Variants in ACP1 observed in about 807,000 individuals in gnomAD.
ACP1 encodes the protein acid phosphatase 1.
Under a neutral mutation model 23.4 loss-of-function variants are expected in ACP1, and 23 were observed. The observed-to-expected ratio is 0.98, with a 90% CI of 0.71 to 1.39. The LOEUF (loss-of-function observed/expected upper bound fraction) is 1.39. Ranked by LOEUF, ACP1 falls within the 40% of genes most tolerant of loss-of-function variation. The pLI is 0.00. For synonymous variants in ACP1, 72 were observed against 67.2 expected (o/e 1.07, Z -0.35); for missense variants, 180 against 197.7 (o/e 0.91, Z 0.54).
intron 1 of ACP1, 129 bp from the exon 2 acceptor site, chr2:271,737 T>TA (rs1670037107): frequency 1.3e-6 from 1 of 752,416 alleles, no homozygotes; most frequent in African/African-American, 1.7e-5. Flanking sequence ...CGTCAAAGGA[T>TA]AGTGTTGGCC....
chr2:274,202 C>CA (rs1485959211), intron 3 of ACP1, among the ~76,000 whole-genome samples: 6 of 152,214 alleles, frequency 3.9e-5, no homozygotes, highest in African/African-American at 1.2e-4. Context: ...TACTTATTCT[C>CA]AATTTTGAAA....
chr2:265,215 C>T (rs572547568), intron 1 of ACP1: 30 of 517,400 alleles, frequency 5.8e-5, no homozygotes, highest in African/African-American at 5.5e-4. Flanking sequence ...AAACCTGGGT[C>T]CCCTCGCGCC....
chr2:264,991 GC>G lies in ACP1; in HGVS notation c.28del (p.Leu10CysfsTer22). 6.2e-7 allele frequency: 1 copy of G among 1,613,332 alleles called. No individual in the cohort carries two copies. On this transcript the variant is annotated frameshift_variant, in exon 1 of 6. Coordinates refer to ENST00000272065, the MANE Select transcript of ACP1 (RefSeq NM_004300.4). LOFTEE classifies it high-confidence loss of function. ...TGGCGGAACAGGCTACCAAGTCCGTGCTGTTTGTGTGTCTGGGTAAGAGGGC... is the reference window on the plus strand; with the variant it reads ...TGGCGGAACAGGCTACCAAGTCCGTGTGTTTGTGTGTCTGGGTAAGAGGGC... MAEQATKSV[L>X]FVCLGNICRS...
chr2:264,975 A>T lies in ACP1; in HGVS notation c.11A>T (p.Gln4Leu). 6.2e-7 allele frequency: 1 copy of T among 1,612,664 alleles called. No individual in the cohort carries two copies. The highest frequency in any genetic ancestry group is 2.2e-5 in the East Asian group (1 of 44,684). ...TCTGCGCGCGGGAAGATGGCGGAAC[A>T]GGCTACCAAGTCCGTGCTGTTTGTG... MAE[Q>L]ATKSVLFVCL... The change falls in exon 1 of 6, where the codon CAG becomes CTG. Residue 4 changes from glutamine (Q) to leucine (L), a missense_variant. By Grantham distance (113) the Gln-to-Leu change is moderately radical. This residue lies in a region of ACP1 where 132 missense variants were observed against 124.1 expected (regional missense o/e 1.06). Coordinates refer to ENST00000272065, the MANE Select transcript of ACP1 (RefSeq NM_004300.4).
At chr2:272,645 G>A in intron 3 of ACP1, 2 of 482,194 alleles carry the variant, frequency 4.1e-6, no homozygotes, top group East Asian at 3.8e-5. Context: ...TTGCAAGTTT[G>A]TTGCTAGAAT....
intron 3 of ACP1, chr2:272,572 C>A (rs747632113): frequency 1.0e-6 from 1 of 954,310 alleles, no homozygotes; most frequent in Non-Finnish European, 1.5e-6. Context: ...GGTGCTCTGT[C>A]TTCTGTTCCT....
intron 3 of ACP1, chr2:273,110 A>C (rs1670090259): frequency 1.3e-5 from 2 of 154,426 alleles, no homozygotes; most frequent in Admixed American, 1.3e-4. Flanking sequence ...AAGGTGGAGG[A>C]GTCAAGAGAG....
chr2:273,921 A>G (rs916615111), intron 3 of ACP1, among the ~76,000 whole-genome samples: 1 of 152,168 alleles, frequency 6.6e-6, no homozygotes, highest in African/African-American at 2.4e-5. Flanking sequence ...TCCTAATAAC[A>G]CTTTGGGAGG....
At chr2:272,228 G>A (rs775443798) in intron 3 of ACP1, 78 bp downstream of exon 3, 9 of 1,614,052 alleles carry the variant, frequency 5.6e-6, no homozygotes, top group South Asian at 2.2e-5. Flanking sequence ...TGACTGGAAC[G>A]TGGGCCGGTC....
At chr2:270,927 G>C (rs1284198884) in intron 1 of ACP1, among the ~76,000 whole-genome samples, 1 of 152,156 alleles carries the variant, frequency 6.6e-6, no homozygotes, top group Non-Finnish European at 1.5e-5. Context: ...GCTTTCCTGA[G>C]TTTGGGGAGT....
At position 277,518 on chromosome 2, in the gene ACP1, G is replaced by C; in HGVS notation, c.*214G>C. ...ATCTTTGATTCAGACAGCTTATGGGGTATTTTAAGCATTCTTAGACTAGTT... is the reference window on the plus strand; with the variant it reads ...ATCTTTGATTCAGACAGCTTATGGGCTATTTTAAGCATTCTTAGACTAGTT... On this transcript the variant is annotated 3_prime_UTR_variant, in exon 6 of 6. Coordinates refer to ENST00000272065, the MANE Select transcript of ACP1 (RefSeq NM_004300.4). 5.2e-6 allele frequency: 3 copies of C among 581,876 alleles called. No individual in the cohort carries two copies. The highest frequency in any genetic ancestry group is 9.2e-6 in the Non-Finnish European group (3 of 324,966). 36.0% of individuals were successfully genotyped at this position (581,876 alleles called of 1,614,324 possible). A position where few individuals can be genotyped will look rare whatever the true frequency, so the allele number is the denominator to read the frequency against.
At chr2:271,774 C>T (rs1670038091) in intron 1 of ACP1, 92 bp from the exon 2 acceptor site, 1 of 973,672 alleles carries the variant, frequency 1.0e-6, no homozygotes, top group Non-Finnish European at 1.7e-6. Context: ...GATAGCACAG[C>T]CCCCGTGTGT....
chr2:272,415 T>C (rs1670071616), intron 3 of ACP1: 1 of 1,487,332 alleles, frequency 6.7e-7, no homozygotes, highest in Non-Finnish European at 8.9e-7. Context: ...TAGGGTGAGC[T>C]TAACCAGCTA....
At chr2:276,447 G>A (rs1246891916) in intron 4 of ACP1, among the ~76,000 whole-genome samples, 1 of 152,150 alleles carries the variant, frequency 6.6e-6, no homozygotes, top group Non-Finnish European at 1.5e-5. Flanking sequence ...AAATGGAGGC[G>A]CTTAGTTAAG....
intron 1 of ACP1, among the ~76,000 whole-genome samples, chr2:266,634 G>C (rs1338193766): frequency 6.6e-6 from 1 of 152,192 alleles, no homozygotes; most frequent in African/African-American, 2.4e-5. Flanking sequence ...ACCCACAAAT[G>C]TAATACCGTT....
intron 3 of ACP1, among the ~76,000 whole-genome samples, chr2:274,262 T>C (rs1214929463): frequency 6.6e-6 from 1 of 152,218 alleles, no homozygotes; most frequent in South Asian, 2.1e-4. Context: ...TTCTAGCTAC[T>C]GGAAGTGCAT....
intron 3 of ACP1, among the ~76,000 whole-genome samples, chr2:274,212 A>G (rs1213260705): frequency 6.6e-6 from 1 of 152,220 alleles, no homozygotes; most frequent in Admixed American, 6.5e-5. Flanking sequence ...CAATTTTGAA[A>G]TAAGTCAATG....
intron 3 of ACP1, chr2:272,656 G>A (rs1206537882): frequency 1.4e-5 from 6 of 432,816 alleles, no homozygotes; most frequent in African/African-American, 6.0e-5. Flanking sequence ...TTGCTAGAAT[G>A]AGGTTATATA....
At chr2:266,036 A>C (rs1669868462) in intron 1 of ACP1, among the ~76,000 whole-genome samples, 1 of 152,158 alleles carries the variant, frequency 6.6e-6, no homozygotes, top group South Asian at 2.1e-4. Flanking sequence ...TTTATTACAC[A>C]AATTTTACTA....
Sources: gnomAD v4.1 joint callset for allele counts (sites outside exome capture counted in the v4.1 genomes callset) on GRCh38, gnomAD v4.1.1 for gene constraint, gnomAD v4.1.1 regional missense constraint, MANE v1.5 for transcripts, NCBI Gene and HGNC (gene_info 2026-07-23, HGNC 2026-07-21) for gene names.